NADSYN1: variants seen among roughly 807,000 people sequenced by gnomAD.
NADSYN1 encodes glutamine-dependent NAD(+) synthetase.
A neutral mutation model predicts 99.3 loss-of-function variants in NADSYN1; 80 were observed. The observed-to-expected ratio is 0.81, with a 90% CI of 0.67 to 0.97. NADSYN1 has a LOEUF of 0.97. Among genes scored for constraint, NADSYN1 ranks in the 50% least tolerant of loss-of-function variants. The probability of loss-of-function intolerance (pLI) is 0.00; values close to 1 mark genes in which losing one functional copy is unlikely to be tolerated. For missense variants in NADSYN1, 859 were observed against 948.5 expected (o/e 0.91, Z 1.24); for synonymous variants, 385 against 372.1 (o/e 1.03, Z -0.40).
intron 5 of NADSYN1, among the ~76,000 whole-genome samples, chr11:71,468,410 A>G (rs1266777435): frequency 6.6e-6 from 1 of 152,246 alleles, no homozygotes; most frequent in Non-Finnish European, 1.5e-5. Context: ...AATGCTCTGT[A>G]GGAGGGTAAA....
chr11:71,474,023 G>A (rs1044849344), intron 8 of NADSYN1, among the ~76,000 whole-genome samples: 1 of 152,244 alleles, frequency 6.6e-6, no homozygotes, highest in Non-Finnish European at 1.5e-5. Context: ...CGTGCGAGGG[G>A]CAGTGCTGGT....
intron 9 of NADSYN1, chr11:71,475,351 C>G (rs11825517): frequency 6.5e-6 from 1 of 152,682 alleles, no homozygotes; most frequent in African/African-American, 2.4e-5. Context: ...CGGCCAGCTG[C>G]GTGAGGGAGG....
At chr11:71,501,029 A>G (rs1949854003) in intron 20 of NADSYN1, among the ~76,000 whole-genome samples, 1 of 152,094 alleles carries the variant, frequency 6.6e-6, no homozygotes, top group Admixed American at 6.5e-5. Flanking sequence ...GGGTTCAGAC[A>G]CTATGCAGCC....
chr11:71,482,687 A>T, intron 13 of NADSYN1, 162 bp from the exon 14 acceptor site: 2 of 458,812 alleles, frequency 4.4e-6, no homozygotes, highest in East Asian at 3.6e-5. Context: ...GGAGCCGCAC[A>T]GGCACCTGGG....
chr11:71,498,059 T>C (rs1949831684), intron 19 of NADSYN1, among the ~76,000 whole-genome samples: 1 of 152,104 alleles, frequency 6.6e-6, no homozygotes, highest in Non-Finnish European at 1.5e-5. Context: ...TTTCACAGCA[T>C]CAAAGGCAGG....
chr11:71,497,726 A>T (rs1281349397), intron 19 of NADSYN1, 115 bp downstream of exon 19: 1 of 1,315,156 alleles, frequency 7.6e-7, no homozygotes, highest in East Asian at 2.3e-5. Flanking sequence ...ACGTAATAAA[A>T]CTGTATCTCA....
At chr11:71,487,709 T>C (rs1949751254) in intron 16 of NADSYN1, among the ~76,000 whole-genome samples, 1 of 151,288 alleles carries the variant, frequency 6.6e-6, no homozygotes, top group Non-Finnish European at 1.5e-5. Context: ...CAGGTGCCTG[T>C]AGTCCCAGCT....
intron 5 of NADSYN1, among the ~76,000 whole-genome samples, chr11:71,469,793 G>A (rs969786981): frequency 1.4e-4 from 22 of 152,054 alleles, no homozygotes; most frequent in African/African-American, 5.3e-4. Flanking sequence ...ATAGATCTGG[G>A]GGCCTGTTCC....
At position 71,473,689 on chromosome 11, in the gene NADSYN1, A is replaced by T. The variant is rs757191386; in HGVS notation, c.666+3A>T. The T allele has an allele frequency of 7.2e-5, 115 of 1,606,152 alleles. No individual in the cohort carries two copies. The highest frequency in any genetic ancestry group is 8.9e-5 in the Non-Finnish European group (105 of 1,173,892). Reference sequence around the variant, plus strand: ...TCGTGACTATGGTCACCAGCAAGGTAGGGGCTGGGCCAGGGAGCGTGCGCC... The same window carrying T: ...TCGTGACTATGGTCACCAGCAAGGTTGGGGCTGGGCCAGGGAGCGTGCGCC... On this transcript the variant is annotated splice_donor_region_variant and intron_variant, in intron 8 of 20. Transcript: ENST00000319023.
chr11:71,483,374 CCTCA>C (rs1448229873), intron 14 of NADSYN1, among the ~76,000 whole-genome samples: 1 of 152,126 alleles, frequency 6.6e-6, no homozygotes, highest in Non-Finnish European at 1.5e-5. Context: ...CCTTCTGTCC[CCTCA>C]CTCCTGGCAT....
rs1360189851 is a variant in NADSYN1, at chr11:71,482,846, CA to C, written c.1151-2del. ...CCACCCATTCTGTCCTGGTGGTTTTCAGATGAGGAAGTGCTGGCTGATGTCC... is the reference window on the plus strand; with the variant it reads ...CCACCCATTCTGTCCTGGTGGTTTTCGATGAGGAAGTGCTGGCTGATGTCC... On this transcript the variant is annotated splice_acceptor_variant, in intron 13 of 20. Coordinates refer to ENST00000319023, the MANE Select transcript of NADSYN1 (RefSeq NM_018161.5). LOFTEE classifies it high-confidence loss of function. 1 of 1,612,014 alleles carries C rather than the reference CA, an allele frequency of 6.2e-7. No individual in the cohort carries two copies. The highest frequency in any genetic ancestry group is 8.5e-7 in the Non-Finnish European group (1 of 1,179,368).
chr11:71,455,633 C>G (rs984994740), intron 2 of NADSYN1, among the ~76,000 whole-genome samples: 5 of 152,240 alleles, frequency 3.3e-5, no homozygotes, highest in African/African-American at 9.6e-5. Context: ...TTGGCCCCTT[C>G]TACCATGTGA....
At position 71,485,657 on chromosome 11, in the gene NADSYN1, G is replaced by A; in HGVS notation, c.1562+9G>A. On this transcript the variant is annotated intron_variant, in intron 16 of 20. Transcript: ENST00000319023. ...GCCAACGTGGATGAGAGGTGAGTGT[G>A]GCCCAGTGGCACGTGGTGGTGGGCC... The A allele has an allele frequency of 6.5e-7, 1 of 1,547,312 alleles. No homozygotes were observed. The highest frequency in any genetic ancestry group is 8.7e-7 in the Non-Finnish European group (1 of 1,144,712).
chr11:71,490,105 C>T (rs1949768935), intron 16 of NADSYN1, among the ~76,000 whole-genome samples: 1 of 152,176 alleles, frequency 6.6e-6, no homozygotes, highest in South Asian at 2.1e-4. Context: ...AAGGTGTGGA[C>T]ACAGTGGGTT....
chr11:71,473,319 C>A lies in NADSYN1; in HGVS notation c.501C>A (p.Asp167Glu), dbSNP rs745579423. 1.4e-5 allele frequency: 23 copies of A among 1,614,114 alleles called. No homozygotes were observed. Among genetic ancestry groups the A allele is most frequent in the Non-Finnish European group, 1.9e-5 (23 of 1,180,048 alleles). The change falls in exon 7 of 21, where the codon GAC becomes GAA. Residue 167 changes from aspartate to glutamate, a missense_variant. Physicochemically the swap from Asp to Glu is conservative, Grantham distance 45. Coordinates refer to ENST00000319023, the MANE Select transcript of NADSYN1 (RefSeq NM_018161.5). ...PFGDAVLVTWDTCIGSEICEE... is the reference protein window; with the variant it reads ...PFGDAVLVTWETCIGSEICEE... ...GAGATGCGGTGCTGGTGACATGGGACACCTGCATTGGAAGTGAGATCTGTG... is the reference window on the plus strand; with the variant it reads ...GAGATGCGGTGCTGGTGACATGGGAAACCTGCATTGGAAGTGAGATCTGTG...
rs201157466 is a variant in NADSYN1, at chr11:71,473,743, C to G, written c.666+57C>G. The G allele has an allele frequency of 2.4e-4, 302 of 1,245,040 alleles. 1 individual carries two copies. The South Asian group carries it at 2.5e-3, about 10-fold the overall frequency. The allele number at this position is 1,245,040 out of a possible 1,614,324, so 77.1% of individuals were successfully genotyped here. A position where few individuals can be genotyped will look rare whatever the true frequency, so the allele number is the denominator to read the frequency against. ...GGGCAGACACTGTATCTCAAGAACT[C>G]CTGCATCCTCAGTGCCCATCGCAGG... On this transcript the variant is annotated intron_variant, in intron 8 of 20. Transcript: ENST00000319023.
intron 18 of NADSYN1, among the ~76,000 whole-genome samples, chr11:71,495,320 G>C (rs12575622): frequency 0.092 from 14,052 of 152,272 alleles, 845 homozygotes; most frequent in African/African-American, 0.17. Context: ...TTCCACGTAT[G>C]CATGAATTTC....
intron 9 of NADSYN1, among the ~76,000 whole-genome samples, chr11:71,478,186 G>A (rs576245814): frequency 1.3e-5 from 2 of 152,284 alleles, no homozygotes; most frequent in South Asian, 4.1e-4. Context: ...GCAAGTGTCT[G>A]AATGAAGTGG....
intron 6 of NADSYN1, among the ~76,000 whole-genome samples, 165 bp downstream of exon 6, chr11:71,472,665 G>A (rs1216234499): frequency 6.6e-6 from 1 of 152,190 alleles, no homozygotes; most frequent in Non-Finnish European, 1.5e-5. Context: ...AGTGAGGGGG[G>A]CTGCGTGGCC....
Sources: gnomAD v4.1 joint callset for allele counts (sites outside exome capture counted in the v4.1 genomes callset) on GRCh38, gnomAD v4.1.1 for gene constraint, MANE v1.5 for transcripts, NCBI Gene and HGNC (gene_info 2026-07-23, HGNC 2026-07-21) for gene names.